Variants in C4orf51 observed in about 807,000 individuals in gnomAD.
C4orf51 encodes the protein chromosome 4 open reading frame 51.
A neutral mutation model predicts 25.2 loss-of-function variants in C4orf51; 25 were observed. That is an observed-to-expected ratio of 0.99 (90% CI 0.72 to 1.39). C4orf51 has a LOEUF of 1.39. Among genes scored for constraint, C4orf51 ranks in the 40% most tolerant of loss-of-function variants. The probability of loss-of-function intolerance (pLI) is 0.00; values close to 1 mark genes in which losing one functional copy is unlikely to be tolerated. For synonymous variants in C4orf51, 100 were observed against 84.5 expected, an observed-to-expected ratio of 1.18 and a Z score of -1.01; for missense variants, 252 against 239.6, an observed-to-expected ratio of 1.05 and a Z score of -0.34.
chr4:145,690,373 C>T (rs964032232), intron 1 of C4orf51, among the ~76,000 whole-genome samples: 3 of 151,572 alleles, frequency 2.0e-5, no homozygotes, highest in African/African-American at 7.3e-5. Flanking sequence ...GGCATGGTTG[C>T]AGGCACCTGT....
At chr4:145,725,717 A>G (rs1156505888) in intron 2 of C4orf51, among the ~76,000 whole-genome samples, 1 of 152,206 alleles carries the variant, frequency 6.6e-6, no homozygotes, top group East Asian at 1.9e-4. Flanking sequence ...TTTATATGAA[A>G]TGTCCAGTAA....
chr4:145,709,735 C>T (rs983260549), intron 2 of C4orf51, among the ~76,000 whole-genome samples: 3 of 152,176 alleles, frequency 2.0e-5, no homozygotes, highest in African/African-American at 7.2e-5. Flanking sequence ...AAACCCCAAG[C>T]ATTGCATGGG....
At chr4:145,768,358 T>C (rs1195883842) in intron 1 of C4orf51, among the ~76,000 whole-genome samples, 1 of 151,990 alleles carries the variant, frequency 6.6e-6, no homozygotes, top group Admixed American at 6.6e-5. Flanking sequence ...AGAGACAGGG[T>C]TTCACCATGT....
the C4orf51 span, chr4:145,779,441 G>A: frequency 1.9e-5 from 31 of 1,614,064 alleles, 2 homozygotes; most frequent in Middle Eastern, 1.6e-4. Flanking sequence ...ACACGTCACA[G>A]GGAAAAAGCT....
At chr4:145,738,071 T>C (rs1201236556) in intron 1 of C4orf51, among the ~76,000 whole-genome samples, 4 of 151,674 alleles carry the variant, frequency 2.6e-5, no homozygotes, top group Non-Finnish European at 5.9e-5. Flanking sequence ...GAGAGATTCA[T>C]TGTTAGTTGG....
chr4:145,760,858 G>A, intron 1 of C4orf51: 1 of 1,216,322 alleles, frequency 8.2e-7, no homozygotes, highest in Non-Finnish European at 1.0e-6. Flanking sequence ...GGGAGGCGCA[G>A]TCTGAGGTCG....
intron 1 of C4orf51, among the ~76,000 whole-genome samples, chr4:145,753,697 C>T (rs1733801985): frequency 6.6e-6 from 1 of 152,102 alleles, no homozygotes; most frequent in Non-Finnish European, 1.5e-5. Flanking sequence ...ACTGGGATGC[C>T]TTTTGCTTGG....
chr4:145,745,026 CTG>C (rs1344993220), intron 1 of C4orf51, among the ~76,000 whole-genome samples: 1 of 152,080 alleles, frequency 6.6e-6, no homozygotes, highest in Non-Finnish European at 1.5e-5. Context: ...TTTCATCAAT[CTG>C]TTTTTATATT....
At chr4:145,746,392 A>G (rs1040310831) in intron 1 of C4orf51, among the ~76,000 whole-genome samples, 3 of 152,166 alleles carry the variant, frequency 2.0e-5, no homozygotes, top group African/African-American at 7.2e-5. Context: ...ATTTTTGTAT[A>G]TAGTGAGAAA....
chr4:145,718,473 T>C (rs1248902225), intron 2 of C4orf51, among the ~76,000 whole-genome samples: 1 of 152,220 alleles, frequency 6.6e-6, no homozygotes, highest in Non-Finnish European at 1.5e-5. Flanking sequence ...ACATCCTTTC[T>C]CACCTACTCT....
At chr4:145,753,085 A>G (rs913350974) in intron 1 of C4orf51, among the ~76,000 whole-genome samples, 6 of 151,578 alleles carry the variant, frequency 4.0e-5, no homozygotes, top group African/African-American at 1.5e-4. Context: ...CAGTAATATG[A>G]AGTTAAAACC....
chr4:145,691,451 C>T (rs1450156438), intron 1 of C4orf51, among the ~76,000 whole-genome samples: 1 of 152,036 alleles, frequency 6.6e-6, no homozygotes, highest in Admixed American at 6.6e-5. Flanking sequence ...GGTATATATC[C>T]GAAGGAAAGT....
chr4:145,723,434 C>T (rs1034355824), intron 2 of C4orf51, among the ~76,000 whole-genome samples: 4 of 151,928 alleles, frequency 2.6e-5, no homozygotes, highest in African/African-American at 4.8e-5. Context: ...ACAGAATCAC[C>T]GAGAAGGTTG....
downstream of C4orf51, among the ~76,000 whole-genome samples, chr4:145,733,581 A>G (rs1207697613): frequency 6.7e-6 from 1 of 149,440 alleles, no homozygotes; most frequent in Non-Finnish European, 1.5e-5. Context: ...CCTAGTTACC[A>G]AGACCGTCCT....
chr4:145,696,533 T>A (rs142633783), intron 1 of C4orf51, 26 bp from the exon 2 acceptor site: 52 of 1,580,188 alleles, frequency 3.3e-5, no homozygotes, highest in Middle Eastern at 3.3e-4. Context: ...AATTTGTAAC[T>A]TGTTTCTTCT....
At chr4:145,785,739 G>T in the C4orf51 span, among the ~76,000 whole-genome samples, 1 of 152,334 alleles carries the variant, frequency 6.6e-6, no homozygotes, top group East Asian at 1.9e-4. Flanking sequence ...AGCAGAGACA[G>T]ACCCACGGTG....
At chr4:145,716,342 C>T (rs1731412335) in intron 2 of C4orf51, among the ~76,000 whole-genome samples, 1 of 152,138 alleles carries the variant, frequency 6.6e-6, no homozygotes, top group South Asian at 2.1e-4. Flanking sequence ...AGGGGAGACA[C>T]ACGTGCTCTT....
chr4:145,740,739 T>C (rs1733055072), intron 1 of C4orf51, among the ~76,000 whole-genome samples: 2 of 152,214 alleles, frequency 1.3e-5, no homozygotes, highest in Admixed American at 6.5e-5. Context: ...CGACACATGC[T>C]CTGCCTCTCA....
At chr4:145,759,666 C>A (rs931611947) in intron 1 of C4orf51, 5 of 151,634 alleles carry the variant, frequency 3.3e-5, no homozygotes, top group Non-Finnish European at 5.9e-5. Context: ...AAAAAAGGTA[C>A]ATTTTCTTCC....
Sources: gnomAD v4.1 joint callset for allele counts (sites outside exome capture counted in the v4.1 genomes callset) on GRCh38, gnomAD v4.1.1 for gene constraint, MANE v1.5 for transcripts, NCBI Gene and HGNC (gene_info 2026-07-23, HGNC 2026-07-21) for gene names.